Variants in TNNI3K observed in about 807,000 individuals in gnomAD.
TNNI3K encodes the protein serine/threonine-protein kinase TNNI3K.
In TNNI3K, 140 loss-of-function variants were observed where a neutral mutation model predicts 114.5. The observed-to-expected ratio is 1.22, with a 90% confidence interval of 1.07 to 1.41. The LOEUF is 1.41. Among genes scored for constraint, TNNI3K ranks in the 40% most tolerant of loss-of-function variants. The pLI, the probability that TNNI3K is intolerant of heterozygous loss-of-function variation, is 0.00. For synonymous variants in TNNI3K, 347 were observed against 347.5 expected (o/e 1.00, Z 0.02); for missense variants, 1,125 against 1,007.6 (o/e 1.12, Z -1.58).
At chr1:74,354,229 C>T in intron 11 of TNNI3K, 100 bp downstream of exon 11, 1 of 1,536,868 alleles carries the variant, frequency 6.5e-7, no homozygotes, top group African/African-American at 1.4e-5. Flanking sequence ...GACTTGAACA[C>T]TCTCATTTCT....
intron 17 of TNNI3K, chr1:74,370,609 A>G (rs189069651): frequency 7.1e-4 from 256 of 359,930 alleles, no homozygotes; most frequent in Non-Finnish European, 9.3e-4. Flanking sequence ...TAAATCTATG[A>G]AGAATATTCA....
intron 11 of TNNI3K, among the ~76,000 whole-genome samples, chr1:74,356,995 A>G (rs539543227): frequency 1.6e-4 from 25 of 152,232 alleles, no homozygotes; most frequent in African/African-American, 5.1e-4. Flanking sequence ...AATTGTTGCT[A>G]TTTTTCTCTT....
intron 17 of TNNI3K, among the ~76,000 whole-genome samples, chr1:74,419,907 A>AT (rs1665313438): frequency 6.6e-6 from 1 of 152,060 alleles, no homozygotes; most frequent in Non-Finnish European, 1.5e-5. Context: ...AAGATACATA[A>AT]ATATTGTATT....
At chr1:74,269,704 G>A (rs1212746759) in intron 4 of TNNI3K, among the ~76,000 whole-genome samples, 1 of 151,768 alleles carries the variant, frequency 6.6e-6, no homozygotes, top group Non-Finnish European at 1.5e-5. Context: ...AATTATAAAC[G>A]ATAATTATAA....
chr1:74,316,514 C>T (rs1298700735), intron 5 of TNNI3K, among the ~76,000 whole-genome samples: 1 of 151,990 alleles, frequency 6.6e-6, no homozygotes, highest in Non-Finnish European at 1.5e-5. Flanking sequence ...GACCTTTGAC[C>T]TGCTTTTCTC....
At chr1:74,530,475 G>A (rs947501063) in intron 23 of TNNI3K, among the ~76,000 whole-genome samples, 3 of 152,064 alleles carry the variant, frequency 2.0e-5, no homozygotes, top group Non-Finnish European at 2.9e-5. Flanking sequence ...AGTCCCTGGC[G>A]CTTAGCAGGT....
intron 5 of TNNI3K, among the ~76,000 whole-genome samples, chr1:74,278,789 A>G (rs1656830796): frequency 6.6e-6 from 1 of 152,170 alleles, no homozygotes; most frequent in Non-Finnish European, 1.5e-5. Flanking sequence ...CAAGACAACC[A>G]TGAATCTACT....
intron 17 of TNNI3K, among the ~76,000 whole-genome samples, chr1:74,410,015 CT>C (rs1240096427): frequency 6.6e-6 from 1 of 152,120 alleles, no homozygotes; most frequent in Non-Finnish European, 1.5e-5. Flanking sequence ...CCCCTGATCT[CT>C]GCCAAATATG....
intron 23 of TNNI3K, among the ~76,000 whole-genome samples, chr1:74,515,792 G>A (rs1646340410): frequency 6.6e-6 from 1 of 152,206 alleles, no homozygotes; most frequent in Admixed American, 6.5e-5. Context: ...AGGGAAATCT[G>A]AGGTTTTTCT....
intron 21 of TNNI3K, among the ~76,000 whole-genome samples, chr1:74,478,174 A>C (rs116837935): frequency 7.4e-4 from 113 of 152,308 alleles, no homozygotes; most frequent in African/African-American, 2.7e-3. Flanking sequence ...AAAGAGTGGA[A>C]TCTTAATGGA....
chr1:74,301,366 C>A (rs1658322096), intron 5 of TNNI3K, among the ~76,000 whole-genome samples: 1 of 151,992 alleles, frequency 6.6e-6, no homozygotes, highest in Non-Finnish European at 1.5e-5. Flanking sequence ...AGCCACTGCA[C>A]CCTAGCCTAG....
chr1:74,416,954 G>A (rs1665146846), intron 17 of TNNI3K, among the ~76,000 whole-genome samples: 1 of 151,916 alleles, frequency 6.6e-6, no homozygotes, highest in South Asian at 2.1e-4. Context: ...GACTTGACTA[G>A]GGTGTCTCCA....
At chr1:74,477,442 A>G (rs1306409154) in intron 21 of TNNI3K, among the ~76,000 whole-genome samples, 1 of 152,198 alleles carries the variant, frequency 6.6e-6, no homozygotes, top group African/African-American at 2.4e-5. Flanking sequence ...GCATTGCTCT[A>G]TTGGTTCCTG....
chr1:74,390,873 G>A (rs957366531), intron 17 of TNNI3K, among the ~76,000 whole-genome samples: 1 of 150,246 alleles, frequency 6.7e-6, no homozygotes, highest in Middle Eastern at 3.2e-3. Flanking sequence ...CTCCATCCTG[G>A]TAAAGATATG....
At chr1:74,510,890 C>CT (rs1195105886) in intron 23 of TNNI3K, among the ~76,000 whole-genome samples, 4 of 152,098 alleles carry the variant, frequency 2.6e-5, no homozygotes, top group South Asian at 2.1e-4. Context: ...ACTGAATATG[C>CT]TTTTTTTCTT....
chr1:74,372,364 A>G (rs1283529176), intron 17 of TNNI3K: 1 of 151,750 alleles, frequency 6.6e-6, no homozygotes, highest in Non-Finnish European at 1.5e-5. Flanking sequence ...GCCCTCAGCT[A>G]TTTTTCTCTT....
intron 17 of TNNI3K, chr1:74,372,261 C>T (rs1244564772): frequency 6.6e-6 from 1 of 151,520 alleles, no homozygotes; most frequent in Non-Finnish European, 1.5e-5. Flanking sequence ...ACACTATTGC[C>T]CCAGGGAAAT....
Position 74,369,062 on chromosome 1 carries a change from A to G in TNNI3K, c.1362A>G (p.Ser454=). The G allele has an allele frequency of 6.2e-7, 1 of 1,610,174 alleles. No individual in the cohort carries two copies. The highest frequency in any genetic ancestry group is 8.5e-7 in the Non-Finnish European group (1 of 1,178,294). Residue 454 remains serine (S), a synonymous_variant, in exon 14 of 25, where the codon TCA becomes TCG. Transcript: ENST00000326637. The part of the protein sequence containing the change: ...DILLLRAGLP[S]HFHLQLSEIE... ...TCCTCCTAAGAGCTGGATTGCCTTC[A>G]CATTTCCATCTTCAGCTCTCAGAAA...
At chr1:74,481,605 C>T (rs182336991) in intron 21 of TNNI3K, among the ~76,000 whole-genome samples, 3 of 152,302 alleles carry the variant, frequency 2.0e-5, no homozygotes, top group Non-Finnish European at 4.4e-5. Flanking sequence ...ATCTTGGCCT[C>T]CTGTCTAATA....
Sources: allele counts gnomAD v4.1 joint callset (sites outside exome capture counted in the v4.1 genomes callset), GRCh38; gene constraint gnomAD v4.1.1; transcripts MANE v1.5; gene names NCBI Gene and HGNC (gene_info 2026-07-23, HGNC 2026-07-21).